Variants in RAB38 observed in about 807,000 individuals in gnomAD.
RAB38 encodes the protein ras-related protein Rab-38.
A neutral mutation model predicts 18.4 loss-of-function variants in RAB38; 15 were observed. The observed-to-expected ratio is 0.82, with a 90% CI of 0.55 to 1.26. The LOEUF (loss-of-function observed/expected upper bound fraction) is 1.26. Ranked by LOEUF, RAB38 falls within the 50% of genes most tolerant of loss-of-function variation. RAB38 has a pLI of 0.00. For missense variants in RAB38, 294 were observed against 267.4 expected, an observed-to-expected ratio of 1.10 and a Z score of -0.69; for synonymous variants, 101 against 104.4, an observed-to-expected ratio of 0.97 and a Z score of 0.20.
chr11:88,159,030 A>G (rs1943157803), intron 1 of RAB38, among the ~76,000 whole-genome samples: 1 of 151,760 alleles, frequency 6.6e-6, no homozygotes, highest in African/African-American at 2.4e-5. Context: ...AATGACTACG[A>G]GAACTATAAA....
chr11:87,968,761 CAA>C, the RAB38 span, among the ~76,000 whole-genome samples: 20 of 151,984 alleles, frequency 1.3e-4, no homozygotes, highest in African/African-American at 3.9e-4. Flanking sequence ...AGACTTGTAA[CAA>C]AGAGTTGATA....
chr11:88,064,857 T>C, the RAB38 span, among the ~76,000 whole-genome samples: 1,107 of 152,322 alleles, frequency 7.3e-3, 15 homozygotes, highest in African/African-American at 0.025. Context: ...TTGTCAAATA[T>C]TATTCTTCTT....
At chr11:88,114,570 A>G (rs540911681) in intron 2 of RAB38, among the ~76,000 whole-genome samples, 5 of 152,330 alleles carry the variant, frequency 3.3e-5, no homozygotes, top group African/African-American at 1.2e-4. Context: ...GTATGCATTA[A>G]TGGTTTCACA....
the RAB38 span, among the ~76,000 whole-genome samples, chr11:88,031,102 A>G: frequency 6.6e-6 from 1 of 151,646 alleles, no homozygotes; most frequent in Admixed American, 6.6e-5. Context: ...GTAATCCAGC[A>G]TATAAACAGA....
the RAB38 span, among the ~76,000 whole-genome samples, chr11:88,089,870 T>C: frequency 3.3e-5 from 5 of 152,074 alleles, no homozygotes; most frequent in Admixed American, 6.6e-5. Flanking sequence ...TTCGTGGTAC[T>C]GGTTTGGCTT....
chr11:88,161,763 T>C (rs1296430110), intron 1 of RAB38, among the ~76,000 whole-genome samples: 1 of 152,106 alleles, frequency 6.6e-6, no homozygotes, highest in Non-Finnish European at 1.5e-5. Context: ...TTAACATTAT[T>C]GTGCATATCT....
At chr11:88,068,647 T>G in the RAB38 span, among the ~76,000 whole-genome samples, 3 of 152,216 alleles carry the variant, frequency 2.0e-5, no homozygotes, top group African/African-American at 7.2e-5. Flanking sequence ...ATAAGCATTT[T>G]ATATTATTAA....
intron 1 of RAB38, chr11:88,167,353 C>G (rs1254996678): frequency 1.3e-5 from 2 of 152,122 alleles, no homozygotes; most frequent in Middle Eastern, 6.8e-3. Context: ...TTATGATGGT[C>G]GTGACTGTCA....
At chr11:88,169,973 C>T (rs1426926) in intron 1 of RAB38, among the ~76,000 whole-genome samples, 64,179 of 151,870 alleles carry the variant, frequency 0.42, 13,688 homozygotes, top group Middle Eastern at 0.47. Flanking sequence ...TATATACATA[C>T]ATATATTTGC....
chr11:88,070,705 AC>A, the RAB38 span, among the ~76,000 whole-genome samples: 1 of 152,210 alleles, frequency 6.6e-6, no homozygotes, highest in Admixed American at 6.5e-5. Context: ...AATTCCACTT[AC>A]ACAAAGGATG....
At chr11:88,058,383 A>G in the RAB38 span, among the ~76,000 whole-genome samples, 6 of 152,310 alleles carry the variant, frequency 3.9e-5, no homozygotes, top group African/African-American at 1.2e-4. Context: ...TTCAACATGT[A>G]TAGAGGGAGC....
chr11:87,815,764 T>A, the RAB38 span: 3 of 152,372 alleles, frequency 2.0e-5, no homozygotes, highest in Admixed American at 2.0e-4. Flanking sequence ...TGGGAGCATG[T>A]AGCCTATGAA....
At chr11:88,089,209 T>C in the RAB38 span, among the ~76,000 whole-genome samples, 1 of 150,844 alleles carries the variant, frequency 6.6e-6, no homozygotes, top group South Asian at 2.1e-4. Context: ...CAGATGCTGA[T>C]CTTGTGACAC....
At chr11:88,024,536 T>G in the RAB38 span, among the ~76,000 whole-genome samples, 1 of 152,192 alleles carries the variant, frequency 6.6e-6, no homozygotes, top group East Asian at 1.9e-4. Context: ...TTGCTGGGTA[T>G]ATACCCAAAA....
the RAB38 span, among the ~76,000 whole-genome samples, chr11:87,930,274 G>T: frequency 6.6e-6 from 1 of 152,118 alleles, no homozygotes; most frequent in South Asian, 2.1e-4. Context: ...GTGTGAGATG[G>T]TATCTCATTG....
chr11:88,041,197 T>C, the RAB38 span, among the ~76,000 whole-genome samples: 1 of 152,242 alleles, frequency 6.6e-6, no homozygotes, highest in African/African-American at 2.4e-5. Context: ...ATATAAATGT[T>C]AACTTCAGAA....
At chr11:88,107,229 G>A in the RAB38 span, among the ~76,000 whole-genome samples, 6 of 152,052 alleles carry the variant, frequency 3.9e-5, no homozygotes, top group Middle Eastern at 3.4e-3. Context: ...GAATGAATTT[G>A]AGAACATTTT....
At chr11:87,860,713 A>G in the RAB38 span, among the ~76,000 whole-genome samples, 1 of 151,956 alleles carries the variant, frequency 6.6e-6, no homozygotes, top group Non-Finnish European at 1.5e-5. Context: ...AAAACTTCAA[A>G]TTGTTTTGAT....
At chr11:87,950,317 C>T in the RAB38 span, among the ~76,000 whole-genome samples, 12 of 152,148 alleles carry the variant, frequency 7.9e-5, no homozygotes, top group African/African-American at 2.7e-4. Flanking sequence ...ATACAGCACA[C>T]TGATGGGTCT....
Sources: allele counts gnomAD v4.1 joint callset (sites outside exome capture counted in the v4.1 genomes callset), GRCh38; gene constraint gnomAD v4.1.1; transcripts MANE v1.5; gene names NCBI Gene and HGNC (gene_info 2026-07-23, HGNC 2026-07-21).